CNTNAP5: variants seen among roughly 807,000 people sequenced by gnomAD.
CNTNAP5 encodes the protein contactin associated protein family member 5.
A neutral mutation model predicts 150.2 loss-of-function variants in CNTNAP5; 72 were observed. The observed-to-expected ratio is 0.48, with a 90% confidence interval of 0.40 to 0.58. CNTNAP5 has a LOEUF of 0.58. CNTNAP5 is among the 20% of genes least tolerant of loss of function. The pLI, the probability that CNTNAP5 is intolerant of heterozygous loss-of-function variation, is 0.00. For synonymous variants in CNTNAP5, 672 were observed against 619.8 expected, an observed-to-expected ratio of 1.08 and a Z score of -1.25; for missense variants, 1,636 against 1,626.2, an observed-to-expected ratio of 1.01 and a Z score of -0.10.
chr2:124,552,358 G>A (rs1034370313), intron 10 of CNTNAP5, among the ~76,000 whole-genome samples: 10 of 152,178 alleles, frequency 6.6e-5, no homozygotes, highest in Admixed American at 5.9e-4. Context: ...CATCCAGGCA[G>A]TGACACCAGG....
chr2:124,244,753 C>T (rs570416014), intron 3 of CNTNAP5, among the ~76,000 whole-genome samples: 1 of 152,052 alleles, frequency 6.6e-6, no homozygotes, highest in African/African-American at 2.4e-5. Flanking sequence ...AATAGGTGTC[C>T]CCTTAATTAA....
chr2:124,561,923 C>T lies in CNTNAP5; in HGVS notation c.1650-1294C>T, dbSNP rs569463531. ...CTTGCACCCTCTCTCTTTTTAAATT[C>T]GCGGAATTTATTTTCCTGTACTCTC... On this transcript the variant is annotated intron_variant, in intron 10 of 23. Transcript: ENST00000682447. Among the ~76,000 whole-genome samples the T allele has an allele frequency of 3.0e-3, 460 of 152,142 alleles. 1 individual carries two copies. Among genetic ancestry groups the T allele is most frequent in the Non-Finnish European group, 5.2e-3 (355 of 68,012 alleles).
chr2:124,103,722 T>C (rs1343917228), intron 1 of CNTNAP5, among the ~76,000 whole-genome samples: 1 of 151,734 alleles, frequency 6.6e-6, no homozygotes, highest in Non-Finnish European at 1.5e-5. Flanking sequence ...TGATGTTCAA[T>C]TACAAAATCA....
chr2:124,382,396 G>C (rs1337671349), intron 3 of CNTNAP5, among the ~76,000 whole-genome samples: 1 of 152,154 alleles, frequency 6.6e-6, no homozygotes, highest in Non-Finnish European at 1.5e-5. Flanking sequence ...GAAGAGAGAA[G>C]ATTGCATGAA....
chr2:124,382,796 G>T (rs1305095352), intron 3 of CNTNAP5, among the ~76,000 whole-genome samples: 5 of 152,188 alleles, frequency 3.3e-5, no homozygotes, highest in African/African-American at 1.2e-4. Context: ...TTTAGTTCTT[G>T]ATCGATTTTT....
At chr2:124,706,078 T>C (rs1679630859) in intron 13 of CNTNAP5, among the ~76,000 whole-genome samples, 1 of 152,184 alleles carries the variant, frequency 6.6e-6, no homozygotes, top group African/African-American at 2.4e-5. Context: ...TCTATGCAGA[T>C]TTGACCTTGG....
intron 6 of CNTNAP5, among the ~76,000 whole-genome samples, chr2:124,453,287 A>C (rs1222874284): frequency 6.6e-6 from 1 of 151,804 alleles, no homozygotes; most frequent in African/African-American, 2.4e-5. Context: ...AGAACTTCGG[A>C]GCTCAGAGAC....
At chr2:124,292,587 C>A (rs1243741550) in intron 3 of CNTNAP5, among the ~76,000 whole-genome samples, 1 of 151,966 alleles carries the variant, frequency 6.6e-6, no homozygotes, top group African/African-American at 2.4e-5. Context: ...TTCACATAAA[C>A]CTCAATCTGA....
intron 21 of CNTNAP5, among the ~76,000 whole-genome samples, chr2:124,894,211 T>A (rs1280006198): frequency 1.3e-5 from 2 of 151,864 alleles, no homozygotes; most frequent in Non-Finnish European, 2.9e-5. Context: ...AAAAAGTAGA[T>A]AATATTAAGT....
intron 3 of CNTNAP5, among the ~76,000 whole-genome samples, chr2:124,399,469 G>A (rs954112960): frequency 3.3e-5 from 5 of 152,076 alleles, no homozygotes; most frequent in African/African-American, 7.2e-5. Context: ...GGCGAAAATT[G>A]ACTATAGGAC....
intron 13 of CNTNAP5, among the ~76,000 whole-genome samples, chr2:124,709,905 A>G (rs1448014067): frequency 3.3e-5 from 5 of 152,210 alleles, no homozygotes; most frequent in Non-Finnish European, 5.9e-5. Context: ...AAAATAATAT[A>G]GTAGCTTCTA....
At chr2:124,510,525 ATCTC>A in intron 8 of CNTNAP5, among the ~76,000 whole-genome samples, 1 of 133,304 alleles carries the variant, frequency 7.5e-6, no homozygotes, top group Non-Finnish European at 1.6e-5. Context: ...ATATACATAT[ATCTC>A]CATATATCAA....
rs1687422380 is a variant in CNTNAP5, at chr2:124,260,345, A to G, written c.381+17952A>G. Among the ~76,000 whole-genome samples the G allele has an allele frequency of 2.0e-5, 3 of 152,226 alleles. No homozygotes were observed. In the South Asian group the frequency reaches 6.2e-4, roughly 31 times the overall value. On this transcript the variant is annotated intron_variant, in intron 3 of 23. Transcript: ENST00000682447. Reference sequence around the variant, plus strand: ...AAAGCTGAAACTGGATCCCTTCCTTACACCTTACACAAAAATTAATTCAAG... The same window carrying G: ...AAAGCTGAAACTGGATCCCTTCCTTGCACCTTACACAAAAATTAATTCAAG...
chr2:124,650,408 C>T (rs1301381857), intron 13 of CNTNAP5, among the ~76,000 whole-genome samples: 3 of 152,112 alleles, frequency 2.0e-5, no homozygotes, highest in African/African-American at 7.2e-5. Context: ...GTGAGCTCAC[C>T]GTCTGGAAAA....
At chr2:124,422,767 C>T (rs953240537) in intron 4 of CNTNAP5, among the ~76,000 whole-genome samples, 6 of 152,172 alleles carry the variant, frequency 3.9e-5, no homozygotes, top group African/African-American at 1.2e-4. Flanking sequence ...ATCCTCTATC[C>T]CTTGCCTGTG....
At chr2:124,486,876 C>A (rs1693893720) in intron 7 of CNTNAP5, among the ~76,000 whole-genome samples, 2 of 152,166 alleles carry the variant, frequency 1.3e-5, no homozygotes, top group African/African-American at 4.8e-5. Context: ...AAGTTTAGAA[C>A]ACTGTATAGG....
intron 1 of CNTNAP5, among the ~76,000 whole-genome samples, chr2:124,145,593 A>G (rs1406131459): frequency 1.6e-5 from 1 of 61,186 alleles, no homozygotes; most frequent in Non-Finnish European, 3.0e-5. Flanking sequence ...GAATTGAACA[A>G]TGAGATCACA....
At chr2:124,588,177 CTTCTTTCTTTCTTTCT>C (rs746237108) in intron 11 of CNTNAP5, among the ~76,000 whole-genome samples, 114 of 110,886 alleles carry the variant, frequency 1.0e-3, no homozygotes, top group Middle Eastern at 5.0e-3. Context: ...TCCTTCCTTC[CTTCTTTCTTTCTTTCT>C]TTCTTTCTTT....
chr2:124,771,989 C>T (rs924973880), intron 16 of CNTNAP5, among the ~76,000 whole-genome samples: 2 of 151,470 alleles, frequency 1.3e-5, no homozygotes, highest in Non-Finnish European at 2.9e-5. Context: ...ATCATCATCA[C>T]CACCACCACC....
Sources: allele counts gnomAD v4.1 joint callset (sites outside exome capture counted in the v4.1 genomes callset), GRCh38; gene constraint gnomAD v4.1.1; transcripts MANE v1.5; gene names NCBI Gene and HGNC (gene_info 2026-07-23, HGNC 2026-07-21).